Variants in CARMIL1 observed in about 807,000 individuals in gnomAD.
CARMIL1 encodes the protein F-actin-uncapping protein LRRC16A.
CARMIL1 carries 90 observed loss-of-function variants against 177.1 expected under a neutral mutation model. That is an observed-to-expected ratio of 0.51 (90% confidence interval 0.43 to 0.61). The LOEUF (loss-of-function observed/expected upper bound fraction) is 0.61, where lower values mean the gene tolerates loss of function less well. Ranked by LOEUF, CARMIL1 falls within the 20% of genes least tolerant of loss-of-function variation. CARMIL1 has a pLI of 0.00. For missense variants in CARMIL1, 1,380 were observed against 1,667.0 expected (o/e 0.83, Z 3.00); for synonymous variants, 577 against 606.2 (o/e 0.95, Z 0.71).
At chr6:25,316,671 A>G (rs1486170221) in intron 2 of CARMIL1, among the ~76,000 whole-genome samples, 2 of 152,122 alleles carry the variant, frequency 1.3e-5, no homozygotes, top group African/African-American at 4.8e-5. Context: ...CTCGGCCTCC[A>G]AAAGTGCTGG....
chr6:25,291,268 G>A (rs977176640), intron 2 of CARMIL1, among the ~76,000 whole-genome samples: 4 of 152,002 alleles, frequency 2.6e-5, no homozygotes, highest in Admixed American at 1.3e-4. Flanking sequence ...AAATATTTTG[G>A]TGGCAGTGCT....
chr6:25,356,721 C>A (rs1020145776), intron 2 of CARMIL1, among the ~76,000 whole-genome samples: 3 of 152,188 alleles, frequency 2.0e-5, no homozygotes, highest in African/African-American at 7.2e-5. Context: ...GTGTTGGGTG[C>A]TGTTTAATTT....
At chr6:25,323,843 TC>T (rs1784867476) in intron 2 of CARMIL1, among the ~76,000 whole-genome samples, 1 of 152,226 alleles carries the variant, frequency 6.6e-6, no homozygotes, top group South Asian at 2.1e-4. Flanking sequence ...TTTTTCCCTT[TC>T]AACTATAGTT....
Position 25,554,139 on chromosome 6 carries a change from T to C in CARMIL1, c.2592+43T>C. 1 of 1,342,384 alleles carries C rather than the reference T, an allele frequency of 7.4e-7. No homozygotes were observed. Among genetic ancestry groups the C allele is most frequent in the African/African-American group, 1.4e-5 (1 of 69,432 alleles). The allele number at this position is 1,342,384 out of a possible 1,614,324, so 83.2% of individuals were successfully genotyped here. On this transcript the variant is annotated intron_variant, in intron 28 of 36. Coordinates refer to ENST00000329474, the MANE Select transcript of CARMIL1 (RefSeq NM_017640.6). The surrounding 1 kb of genome is among the most constrained non-coding windows in gnomAD (Gnocchi z 4.6). ...CTTGAGCAGGACCTCCTGTTTCAGCTCTGCTGTGATGCAGGATGACTTCCG... is the reference window on the plus strand; with the variant it reads ...CTTGAGCAGGACCTCCTGTTTCAGCCCTGCTGTGATGCAGGATGACTTCCG...
chr6:25,496,370 C>T (rs1036862768), intron 16 of CARMIL1, among the ~76,000 whole-genome samples: 1 of 150,238 alleles, frequency 6.7e-6, no homozygotes, highest in Non-Finnish European at 1.5e-5. Context: ...CCCAGCTACT[C>T]AGGAGGCTGA....
chr6:25,425,770 A>G (rs1796230873), intron 3 of CARMIL1, among the ~76,000 whole-genome samples: 1 of 152,350 alleles, frequency 6.6e-6, no homozygotes, highest in East Asian at 1.9e-4. Flanking sequence ...ATTTATTTAC[A>G]TGCAGAGAGA....
intron 4 of CARMIL1, among the ~76,000 whole-genome samples, chr6:25,430,046 A>G (rs757635993): frequency 1.6e-4 from 25 of 152,082 alleles, no homozygotes; most frequent in Admixed American, 3.9e-4. Context: ...GGGTTTCACC[A>G]TGTTGGCCAG....
chr6:25,556,186 G>A (rs1432856182), intron 28 of CARMIL1, among the ~76,000 whole-genome samples: 1 of 152,100 alleles, frequency 6.6e-6, no homozygotes, highest in Non-Finnish European at 1.5e-5. Flanking sequence ...ACTGAAGTTT[G>A]TTAATTTCAG....
intron 5 of CARMIL1, among the ~76,000 whole-genome samples, chr6:25,445,630 G>A (rs993178941): frequency 6.6e-6 from 1 of 151,374 alleles, no homozygotes; most frequent in African/African-American, 2.4e-5. Flanking sequence ...CGCCTCCCAG[G>A]TTCATGCCAT....
At position 25,515,349 on chromosome 6, in the gene CARMIL1, G is replaced by A. The variant is rs1380080401; in HGVS notation, c.1633-326G>A. On this transcript the variant is annotated intron_variant, in intron 20 of 36. Coordinates refer to ENST00000329474, the MANE Select transcript of CARMIL1 (RefSeq NM_017640.6). This position sits in a 1 kb window ranked among gnomAD's most constrained non-coding sequence, Gnocchi z 5.0. ...GTATAAAGGGTGATCATATTAAGCT[G>A]AGAAATTTTTGTTATGTTTTTATTT... Among the ~76,000 whole-genome samples, 1 of 121,024 alleles carries A rather than the reference G, an allele frequency of 8.3e-6. No homozygotes were observed. Among genetic ancestry groups the A allele is most frequent in the Non-Finnish European group, 1.8e-5 (1 of 55,908 alleles). The allele number at this position is 121,024 out of a possible 152,430, so 79.4% of individuals were successfully genotyped here. A position where few individuals can be genotyped will look rare whatever the true frequency, so the allele number is the denominator to read the frequency against.
intron 2 of CARMIL1, among the ~76,000 whole-genome samples, chr6:25,384,007 T>C (rs921453472): frequency 6.6e-6 from 1 of 152,112 alleles, no homozygotes; most frequent in Admixed American, 6.6e-5. Flanking sequence ...CCCCGGGTAA[T>C]TTTTGTATTT....
intron 29 of CARMIL1, among the ~76,000 whole-genome samples, chr6:25,571,909 A>G (rs1479442947): frequency 6.6e-6 from 1 of 152,172 alleles, no homozygotes; most frequent in Non-Finnish European, 1.5e-5. Flanking sequence ...GTGCTAGGTG[A>G]AAGAGCCTGA....
At chr6:25,533,337 C>G (rs951746545) in intron 24 of CARMIL1, among the ~76,000 whole-genome samples, 2 of 152,084 alleles carry the variant, frequency 1.3e-5, no homozygotes, top group Non-Finnish European at 1.5e-5. Context: ...TCAGATGACC[C>G]CAGATGTAAA....
At chr6:25,351,102 T>A (rs1464088668) in intron 2 of CARMIL1, among the ~76,000 whole-genome samples, 1 of 152,210 alleles carries the variant, frequency 6.6e-6, no homozygotes, top group Non-Finnish European at 1.5e-5. Flanking sequence ...TAGATCTTTG[T>A]GGCCCTCTAT....
intron 5 of CARMIL1, among the ~76,000 whole-genome samples, chr6:25,436,356 C>T (rs1392773572): frequency 6.6e-6 from 1 of 152,174 alleles, no homozygotes; most frequent in Non-Finnish European, 1.5e-5. Flanking sequence ...CCTCCCATTG[C>T]TCTCCCAGCA....
intron 11 of CARMIL1, among the ~76,000 whole-genome samples, chr6:25,476,924 A>G (rs1213678726): frequency 6.6e-6 from 1 of 151,936 alleles, no homozygotes; most frequent in African/African-American, 2.4e-5. Flanking sequence ...CCCCATCTCT[A>G]CTAAAAATAC....
intron 23 of CARMIL1, chr6:25,527,558 C>G (rs1441726321): frequency 6.1e-6 from 2 of 326,756 alleles, no homozygotes; most frequent in Non-Finnish European, 1.2e-5. Flanking sequence ...ATCTTTTCAG[C>G]AAAATATTTT....
intron 2 of CARMIL1, among the ~76,000 whole-genome samples, chr6:25,327,560 G>A (rs1193335251): frequency 2.0e-5 from 3 of 152,086 alleles, no homozygotes; most frequent in African/African-American, 7.2e-5. Context: ...GCTCCCCTCC[G>A]GCTACTATTT....
intron 2 of CARMIL1, among the ~76,000 whole-genome samples, chr6:25,334,168 G>A (rs1785977510): frequency 6.6e-6 from 1 of 152,202 alleles, no homozygotes; most frequent in South Asian, 2.1e-4. Flanking sequence ...TAGCCGCTAT[G>A]AGCTGCAAGG....
Sources: allele counts gnomAD v4.1 joint callset (sites outside exome capture counted in the v4.1 genomes callset), GRCh38; gene constraint gnomAD v4.1.1; non-coding constraint Gnocchi (gnomAD v3.1); transcripts MANE v1.5; gene names NCBI Gene and HGNC (gene_info 2026-07-23, HGNC 2026-07-21).